The following TET2 variants were observed in gnomAD, a reference collection of about 807,000 sequenced individuals.
The protein encoded by TET2 is methylcytosine dioxygenase TET2.
TET2 carries 299 observed loss-of-function variants against 142.9 expected under a neutral mutation model. The observed-to-expected ratio is 2.09, with a 90% CI of 1.90 to 2.30. The LOEUF (loss-of-function observed/expected upper bound fraction) is 2.30. Ranked by LOEUF, TET2 falls within the 30% of genes most tolerant of loss-of-function variation. The pLI is 0.00. For missense variants in TET2, 2,418 were observed against 2,378.0 expected (o/e 1.02, Z -0.35); for synonymous variants, 819 against 849.0 (o/e 0.96, Z 0.61).
intron 3 of TET2, chr4:105,240,537 A>G (rs906948724): frequency 4.6e-6 from 5 of 1,079,012 alleles, no homozygotes; most frequent in Non-Finnish European, 5.7e-6. Context: ...TCCCTCTTGC[A>G]ATGAGATACC....
At chr4:105,228,231 TAAA>T (rs1728299815) in intron 2 of TET2, among the ~76,000 whole-genome samples, 1 of 152,132 alleles carries the variant, frequency 6.6e-6, no homozygotes, top group Non-Finnish European at 1.5e-5. Flanking sequence ...TTTATTAGTT[TAAA>T]TTTCCTGAAA....
intron 10 of TET2, among the ~76,000 whole-genome samples, chr4:105,274,344 T>TA (rs1419790217): frequency 1.3e-5 from 2 of 152,256 alleles, no homozygotes; most frequent in Non-Finnish European, 2.9e-5. Flanking sequence ...TTTAAAGTGT[T>TA]ATCTACAACT....
intron 2 of TET2, among the ~76,000 whole-genome samples, chr4:105,226,231 C>A (rs1319975579): frequency 6.6e-6 from 1 of 152,106 alleles, no homozygotes; most frequent in African/African-American, 2.4e-5. Context: ...GGCCTAGTCC[C>A]TGTGGGAGCC....
chr4:105,237,521 C>T lies in TET2; in HGVS notation c.3409+170C>T, dbSNP rs886186777. On this transcript the variant is annotated intron_variant, in intron 3 of 10. Coordinates refer to ENST00000380013, the MANE Select transcript of TET2 (RefSeq NM_001127208.3). ...TTTGTCAAGTTACCGATGCTTGTGT[C>T]TTGTGAAAGAGAACTTCACTTACAT... 5.7e-6 allele frequency: 9 copies of T among 1,581,840 alleles called. No homozygotes were observed. The Admixed American group carries it at 1.1e-4, about 20-fold the overall frequency.
chr4:105,170,130 G>T (rs1220045990), intron 1 of TET2, among the ~76,000 whole-genome samples: 1 of 152,084 alleles, frequency 6.6e-6, no homozygotes, highest in African/African-American at 2.4e-5. Flanking sequence ...GTGGTATTTT[G>T]ATGGGAATTG....
intron 6 of TET2, among the ~76,000 whole-genome samples, chr4:105,244,271 A>G (rs541677242): frequency 1.3e-4 from 20 of 152,360 alleles, no homozygotes; most frequent in Admixed American, 1.2e-3. Flanking sequence ...ACTTTCATTC[A>G]AACTATTCAT....
chr4:105,241,795 A>G (rs1729317613), intron 4 of TET2: 1 of 1,251,054 alleles, frequency 8.0e-7, no homozygotes, highest in Non-Finnish European at 1.0e-6. Flanking sequence ...AAAGACTGGT[A>G]AAGTGTGGTA....
At chr4:105,149,955 A>C (rs984106433) in intron 1 of TET2, among the ~76,000 whole-genome samples, 1 of 152,232 alleles carries the variant, frequency 6.6e-6, no homozygotes, top group African/African-American at 2.4e-5. Flanking sequence ...GTATTAGGTA[A>C]CAACAACTGG....
intron 1 of TET2, among the ~76,000 whole-genome samples, chr4:105,165,898 G>A (rs1724126131): frequency 6.6e-6 from 1 of 152,142 alleles, no homozygotes; most frequent in African/African-American, 2.4e-5. Flanking sequence ...TTGTTTATCA[G>A]TGTCAGACCA....
At chr4:105,183,234 T>G (rs533225507) in intron 1 of TET2, among the ~76,000 whole-genome samples, 2 of 152,204 alleles carry the variant, frequency 1.3e-5, no homozygotes, top group South Asian at 4.1e-4. Context: ...TTTTGTAATA[T>G]TAAATTACTA....
At chr4:105,201,070 A>G (rs540915424) in intron 2 of TET2, among the ~76,000 whole-genome samples, 153 of 152,298 alleles carry the variant, frequency 1.0e-3, no homozygotes, top group African/African-American at 3.6e-3. Flanking sequence ...TTACATCTTG[A>G]GTTACTTGAT....
rs1220853567 is a variant in TET2, at chr4:105,259,610, A to AT, written c.3804-4dup. 1.3e-6 allele frequency: 2 copies of AT among 1,550,048 alleles called. No individual in the cohort carries two copies. Among genetic ancestry groups the AT allele is most frequent in the African/African-American group, 2.7e-5 (2 of 72,890 alleles). ...CCATAGCAATGAATTTGGTCTTTTG[A>AT]TTTTTCAGGAGAACTTGCGCCTGTC... On this transcript the variant is annotated splice_polypyrimidine_tract_variant and intron_variant, in intron 6 of 10. Coordinates refer to ENST00000380013, the MANE Select transcript of TET2 (RefSeq NM_001127208.3).
intron 6 of TET2, among the ~76,000 whole-genome samples, chr4:105,254,540 T>C (rs1730027383): frequency 6.6e-6 from 1 of 152,142 alleles, no homozygotes; most frequent in Admixed American, 6.5e-5. Flanking sequence ...GCCTCCCAAG[T>C]AGCTCGGACT....
chr4:105,247,509 C>G (rs1460071781), intron 6 of TET2, among the ~76,000 whole-genome samples: 1 of 152,076 alleles, frequency 6.6e-6, no homozygotes, highest in African/African-American at 2.4e-5. Flanking sequence ...TTCTGTGATT[C>G]ACAAGCCTCT....
intron 1 of TET2, among the ~76,000 whole-genome samples, chr4:105,175,632 AAG>A (rs1724742830): frequency 6.6e-6 from 1 of 152,148 alleles, no homozygotes; most frequent in Non-Finnish European, 1.5e-5. Flanking sequence ...TAGAAAAAGA[AAG>A]AAAGGATTAG....
chr4:105,275,419 C>G lies in TET2; in HGVS notation c.4909C>G (p.Leu1637Val), dbSNP rs758314767. 3.9e-6 allele frequency: 6 copies of G among 1,551,624 alleles called. No homozygotes were observed. In the South Asian group the frequency reaches 4.8e-5, roughly 12 times the overall value. Reference protein sequence around the residue: ...QYPSYQCNGNLSVDNCSPYLG... With the variant: ...QYPSYQCNGNVSVDNCSPYLG... ...TCCATCATATCAATGCAATGGAAAC[C>G]TATCAGTGGACAACTGCTCCCCATA... The change falls in exon 11 of 11, where the codon CTA becomes GTA. Residue 1637 changes from leucine to valine, a missense_variant. Leu to Val is a conservative substitution (Grantham distance 32). Transcript: ENST00000380013.
At chr4:105,219,240 C>T (rs1727673306) in intron 2 of TET2, among the ~76,000 whole-genome samples, 1 of 152,018 alleles carries the variant, frequency 6.6e-6, no homozygotes, top group South Asian at 2.1e-4. Flanking sequence ...ACCGTAATAT[C>T]CTACAAATTA....
intron 1 of TET2, chr4:105,177,712 A>G (rs1036353323): frequency 6.6e-6 from 1 of 152,238 alleles, no homozygotes; most frequent in Non-Finnish European, 1.5e-5. Flanking sequence ...TTTGGAAGAC[A>G]GTTTGGCAGT....
chr4:105,246,620 A>G (rs1056395735), intron 6 of TET2, among the ~76,000 whole-genome samples: 5 of 152,272 alleles, frequency 3.3e-5, no homozygotes, highest in African/African-American at 7.2e-5. Context: ...TTACTCAGAA[A>G]TAGCTTTTGA....
Sources: gnomAD v4.1 joint callset for allele counts (sites outside exome capture counted in the v4.1 genomes callset) on GRCh38, gnomAD v4.1.1 for gene constraint, MANE v1.5 for transcripts, NCBI Gene and HGNC (gene_info 2026-07-23, HGNC 2026-07-21) for gene names.